The following PIP5K1A variants were observed in gnomAD, a reference collection of about 807,000 sequenced individuals.
PIP5K1A encodes phosphatidylinositol 4-phosphate 5-kinase type-1 alpha.
Under a neutral mutation model 72.9 loss-of-function variants are expected in PIP5K1A, and 46 were observed. The ratio of observed to expected loss-of-function variants is 0.63; its 90% CI spans 0.50 to 0.81. The LOEUF (loss-of-function observed/expected upper bound fraction) is 0.81, where lower values mean the gene tolerates loss of function less well. Among genes scored for constraint, PIP5K1A ranks in the 30% least tolerant of loss-of-function variants. The probability of loss-of-function intolerance (pLI) is 0.00; values close to 1 mark genes in which losing one functional copy is unlikely to be tolerated. For missense variants in PIP5K1A, 458 were observed against 706.1 expected (o/e 0.65, Z 3.98); for synonymous variants, 228 against 255.1 (o/e 0.89, Z 1.01).
intron 1 of PIP5K1A, among the ~76,000 whole-genome samples, chr1:151,221,039 G>T (rs1688332520): frequency 6.6e-6 from 1 of 151,814 alleles, no homozygotes. Context: ...GTCTTTTTAT[G>T]GTTTCTTTTT....
chr1:151,224,827 A>C (rs1205699447), intron 3 of PIP5K1A, among the ~76,000 whole-genome samples: 1 of 152,092 alleles, frequency 6.6e-6, no homozygotes, highest in Non-Finnish European at 1.5e-5. Context: ...ATTTTGCTCA[A>C]CTTTCTTCCC....
At position 151,239,208 on chromosome 1, in the gene PIP5K1A, C is replaced by T. The variant is rs200390347; in HGVS notation, c.1278+30C>T. ...GTAGTAATACTAGAGGCTCTCTTAC[C>T]GTACACTTCTGCCTCCATCACTTCT... On this transcript the variant is annotated intron_variant, in intron 11 of 15. Transcript: ENST00000368888. 2.9e-4 allele frequency: 413 copies of T among 1,442,930 alleles called. 1 individual carries two copies. The highest frequency in any genetic ancestry group is 1.5e-3 in the South Asian group (131 of 85,822). The allele number at this position is 1,442,930 out of a possible 1,614,324, so 89.4% of individuals were successfully genotyped here.
chr1:151,209,504 ATC>A (rs1293353629), intron 1 of PIP5K1A, among the ~76,000 whole-genome samples: 1 of 147,504 alleles, frequency 6.8e-6, no homozygotes, highest in Admixed American at 6.9e-5. Flanking sequence ...CAATGGCATG[ATC>A]TCTGCTCACC....
chr1:151,201,100 C>T (rs1016464881), intron 1 of PIP5K1A, among the ~76,000 whole-genome samples: 5 of 152,186 alleles, frequency 3.3e-5, no homozygotes, highest in African/African-American at 1.2e-4. Flanking sequence ...TCCCAAAGTG[C>T]TGGGATTATA....
chr1:151,230,766 T>G (rs1315554611), intron 4 of PIP5K1A, among the ~76,000 whole-genome samples: 1 of 152,212 alleles, frequency 6.6e-6, no homozygotes, highest in East Asian at 1.9e-4. Context: ...TCTCGAACTC[T>G]TGGCCTAAAG....
At chr1:151,202,582 C>G (rs1685355285) in intron 1 of PIP5K1A, among the ~76,000 whole-genome samples, 1 of 151,522 alleles carries the variant, frequency 6.6e-6, no homozygotes, top group African/African-American at 2.4e-5. Context: ...AAGCGAGTTG[C>G]CTGCTCAGCC....
chr1:151,237,088 C>T (rs972337539), intron 9 of PIP5K1A, among the ~76,000 whole-genome samples: 9 of 152,124 alleles, frequency 5.9e-5, no homozygotes, highest in African/African-American at 2.2e-4. Context: ...CCTTGGCCTC[C>T]CGTAGTGCAG....
chr1:151,235,721 C>T (rs888188090), intron 8 of PIP5K1A, among the ~76,000 whole-genome samples: 3 of 152,186 alleles, frequency 2.0e-5, no homozygotes, highest in African/African-American at 7.2e-5. Context: ...GTAGTGTTCT[C>T]TTCATGGAGA....
intron 14 of PIP5K1A, among the ~76,000 whole-genome samples, chr1:151,246,063 A>G (rs1343459717): frequency 3.3e-5 from 5 of 152,096 alleles, no homozygotes; most frequent in Non-Finnish European, 7.4e-5. Flanking sequence ...CCTGGCCAAC[A>G]TGATGAAACC....
chr1:151,198,418 C>T (rs1002841384), upstream of PIP5K1A: 15 of 261,310 alleles, frequency 5.7e-5, no homozygotes, highest in South Asian at 1.1e-4. Context: ...GCACATCTTC[C>T]ACCCGTGGAC....
At chr1:151,244,936 C>CT (rs971449862) in intron 14 of PIP5K1A, among the ~76,000 whole-genome samples, 3,410 of 131,050 alleles carry the variant, frequency 0.026, 53 homozygotes, top group African/African-American at 0.048. Flanking sequence ...GCTCAAAAGC[C>CT]TTTTTTTTTT....
chr1:151,212,450 C>A lies in PIP5K1A; in HGVS notation c.86-11795C>A, dbSNP rs1409465247. Among the ~76,000 whole-genome samples the A allele has an allele frequency of 3.3e-5, 5 of 152,182 alleles. No homozygotes were observed. In the South Asian group the frequency reaches 1.0e-3, roughly 31 times the overall value. On this transcript the variant is annotated intron_variant, in intron 1 of 15. Coordinates refer to ENST00000368888, the MANE Select transcript of PIP5K1A (RefSeq NM_001135638.2). The stretch of plus-strand genomic sequence containing the variant: ...TGTTTGCCAAGTGACTGGAAATCAG[C>A]TTCCCCAGTACCTCTTCACCACAAA...
At chr1:151,215,350 T>TG (rs397981537) in intron 1 of PIP5K1A, among the ~76,000 whole-genome samples, 1 of 150,522 alleles carries the variant, frequency 6.6e-6, no homozygotes, top group Non-Finnish European at 1.5e-5. Flanking sequence ...TTTTTTTTTT[T>TG]GAAAAGGAGT....
chr1:151,236,877 A>C (rs903776545), intron 9 of PIP5K1A, 114 bp downstream of exon 9: 4 of 694,268 alleles, frequency 5.8e-6, no homozygotes, highest in East Asian at 2.8e-5. Flanking sequence ...TGATGTGCTG[A>C]TGTGCAATGG....
chr1:151,202,088 C>A (rs1469792099), intron 1 of PIP5K1A, among the ~76,000 whole-genome samples: 1 of 152,140 alleles, frequency 6.6e-6, no homozygotes, highest in Non-Finnish European at 1.5e-5. Flanking sequence ...TGGCAGGGAA[C>A]AAACTCTCCT....
chr1:151,247,720 G>A lies in PIP5K1A; in HGVS notation c.1687-143G>A, dbSNP rs866484327. 5.2e-5 allele frequency: 34 copies of A among 658,806 alleles called. No homozygotes were observed. The Middle Eastern group carries it at 3.2e-3, about 61-fold the overall frequency. 40.8% of individuals were successfully genotyped at this position (658,806 alleles called of 1,614,324 possible). ...ATTACAGGTGTGAGCCACCATGCGC[G>A]GCCGCCATCTTGTTTTTTAAAAAAT... On this transcript the variant is annotated intron_variant, in intron 15 of 15. Transcript: ENST00000368888.
chr1:151,215,010 G>A (rs1227891063), intron 1 of PIP5K1A, among the ~76,000 whole-genome samples: 1 of 149,294 alleles, frequency 6.7e-6, no homozygotes, highest in Non-Finnish European at 1.5e-5. Context: ...GAGCCACCAT[G>A]CCCAGCCTGT....
At position 151,204,999 on chromosome 1, in the gene PIP5K1A, A is replaced by G. The variant is rs150176612; in HGVS notation, c.85+5918A>G. Among the ~76,000 whole-genome samples the G allele has an allele frequency of 1.3e-4, 20 of 152,266 alleles. No homozygotes were observed. In the East Asian group the frequency reaches 2.3e-3, roughly 18 times the overall value. The stretch of plus-strand genomic sequence containing the variant: ...TTCTGATTAATACCTTTGCTCAAAT[A>G]TGTGCTACCTAATAGCTATTAAATA... On this transcript the variant is annotated intron_variant, in intron 1 of 15. Transcript: ENST00000368888.
rs1553293510 is a variant in PIP5K1A at position 151,219,871 on chromosome 1, T to TG, written c.86-4373dup. Reference sequence around the variant, plus strand: ...CTTTCCTTTTTTTTTTTTTTTTTTTTGCCGAGATGGGGTCTCCCTATGTTG... The same window carrying TG: ...CTTTCCTTTTTTTTTTTTTTTTTTTTGGCCGAGATGGGGTCTCCCTATGTTG... On this transcript the variant is annotated intron_variant, in intron 1 of 15. Coordinates refer to ENST00000368888, the MANE Select transcript of PIP5K1A (RefSeq NM_001135638.2). Among the ~76,000 whole-genome samples, 5 of 149,488 alleles carry TG rather than the reference T, an allele frequency of 3.3e-5. 1 individual carries two copies. Among genetic ancestry groups the TG allele is most frequent in the African/African-American group, 9.8e-5 (4 of 40,656 alleles).
Sources: gnomAD v4.1 joint callset for allele counts (sites outside exome capture counted in the v4.1 genomes callset) on GRCh38, gnomAD v4.1.1 for gene constraint, MANE v1.5 for transcripts, NCBI Gene and HGNC (gene_info 2026-07-23, HGNC 2026-07-21) for gene names.